Variants in KIF15 observed in about 807,000 individuals in gnomAD.
KIF15 encodes kinesin-like protein KIF15.
A neutral mutation model predicts 190.6 loss-of-function variants in KIF15; 140 were observed. The observed-to-expected ratio is 0.73, with a 90% CI of 0.64 to 0.84. The LOEUF is 0.84. Among genes scored for constraint, KIF15 ranks in the 40% least tolerant of loss-of-function variants. The probability of loss-of-function intolerance (pLI) is 0.00; values close to 1 mark genes in which losing one functional copy is unlikely to be tolerated. For synonymous variants in KIF15, 528 were observed against 551.3 expected, an observed-to-expected ratio of 0.96 and a Z score of 0.59; for missense variants, 1,372 against 1,584.4, an observed-to-expected ratio of 0.87 and a Z score of 2.28.
chr3:44,786,664 A>G, intron 7 of KIF15, 90 bp downstream of exon 7: 1 of 1,000,566 alleles, frequency 1.0e-6, no homozygotes, highest in Non-Finnish European at 1.4e-6. Flanking sequence ...TTGAGGTACC[A>G]AAAATATGTC....
chr3:44,798,330 T>C (rs1707093897), intron 10 of KIF15, among the ~76,000 whole-genome samples: 1 of 151,044 alleles, frequency 6.6e-6, no homozygotes, highest in African/African-American at 2.4e-5. Context: ...GCCAGGCTAA[T>C]TTTTTTATTT....
rs757150610 is a variant in KIF15, at chr3:44,843,084, T to G, written c.3586-41T>G. 4.1e-6 allele frequency: 6 copies of G among 1,480,402 alleles called. No individual in the cohort carries two copies. In the African/African-American group the frequency reaches 5.5e-5, roughly 14 times the overall value. 91.7% of individuals were successfully genotyped at this position (1,480,402 alleles called of 1,614,324 possible). On this transcript the variant is annotated intron_variant, in intron 29 of 34. Coordinates refer to ENST00000326047, the MANE Select transcript of KIF15 (RefSeq NM_020242.3). ...CCTTGGGGAGCTAAATGAAGCCTAC[T>G]GTAATGTGTTTTTTGAAAAGATACG...
chr3:44,828,953 C>T (rs1324815912), intron 24 of KIF15, among the ~76,000 whole-genome samples: 1 of 151,526 alleles, frequency 6.6e-6, no homozygotes, highest in African/African-American at 2.4e-5. Context: ...AGGAGAATTG[C>T]TTGAACCTGG....
rs145837852 is a variant in KIF15, at chr3:44,786,534, C to T, written c.599C>T (p.Ala200Val). ...AAGAAGGGAGTCTTTGTTGTTGGTG[C>T]GGTGGAGCAGGTGGTAACCTCAGCT... is the stretch of plus-strand genomic sequence containing the variant. ...HIKKGVFVVG[A>V]VEQVVTSAAE... The change falls in exon 7 of 35, where the codon GCG (alanine) becomes GTG (valine). Residue 200 changes from alanine to valine, a missense_variant. By Grantham distance (64) the Ala-to-Val change is moderately conservative. Coordinates refer to ENST00000326047, the MANE Select transcript of KIF15 (RefSeq NM_020242.3). 8.7e-5 allele frequency: 141 copies of T among 1,612,362 alleles called. No individual in the cohort carries two copies. The highest frequency in any genetic ancestry group is 1.1e-4 in the African/African-American group (8 of 74,944).
chr3:44,865,288 C>A, intron 6 of KIF15: 1 of 1,478,186 alleles, frequency 6.8e-7, no homozygotes. Flanking sequence ...GCCTTCTGAC[C>A]ATCAGCCAAG....
chr3:44,851,950 C>T lies in KIF15; in HGVS notation c.3970C>T (p.Gln1324Ter). 4 of 1,612,248 alleles carry T rather than the reference C, an allele frequency of 2.5e-6. No individual in the cohort carries two copies. Among genetic ancestry groups the T allele is most frequent in the Non-Finnish European group, 3.4e-6 (4 of 1,179,162 alleles). ...GTATGAAGAAAGAGAGAGAACATCC[C>T]AGGTGTGCTAGTGTGTTGGTGTTTT... ...EMYEERERTS[Q>*]EMEMLRKQVE... is the part of the protein sequence containing the mutation. The change falls in exon 33 of 35, where the codon CAG (glutamine) becomes TAG (stop). Residue 1324 changes from glutamine to a stop codon, truncating the protein, a stop_gained and splice_region_variant. Coordinates refer to ENST00000326047, the MANE Select transcript of KIF15 (RefSeq NM_020242.3). LOFTEE classifies it high-confidence loss of function.
chr3:44,778,267 C>T (rs1457689947), intron 4 of KIF15, 76 bp downstream of exon 4: 4 of 1,144,826 alleles, frequency 3.5e-6, no homozygotes, highest in African/African-American at 1.5e-5. Flanking sequence ...CAAATTACCA[C>T]AAACGTAGTG....
chr3:44,825,722 G>C (rs576472145), intron 20 of KIF15, among the ~76,000 whole-genome samples: 1 of 152,312 alleles, frequency 6.6e-6, no homozygotes, highest in Admixed American at 6.5e-5. Flanking sequence ...CCCTAAATGA[G>C]TCTAATCACT....
chr3:44,780,972 C>G (rs764749359), intron 5 of KIF15, 50 bp downstream of exon 5: 1 of 1,287,532 alleles, frequency 7.8e-7, no homozygotes, highest in Non-Finnish European at 1.1e-6. Flanking sequence ...TCTGTGATAA[C>G]AGTAACCTAC....
At chr3:44,857,355 G>A (rs1430644735), downstream of KIF15, among the ~76,000 whole-genome samples, 2 of 152,182 alleles carry the variant, frequency 1.3e-5, no homozygotes, top group Non-Finnish European at 1.5e-5. Context: ...GTGATTTTTA[G>A]GGCCTCTAAA....
rs1277822222 is a variant in KIF15 at position 44,800,457 on chromosome 3, C to T, written c.1222+20C>T. ...CCAGAGGTAGGATGAGCACACAGTC[C>T]TTTATCTTGGGGAAGACTGTACAAA... is the stretch of plus-strand genomic sequence containing the variant. On this transcript the variant is annotated intron_variant, in intron 11 of 34. Coordinates refer to ENST00000326047, the MANE Select transcript of KIF15 (RefSeq NM_020242.3). 6.2e-7 allele frequency: 1 copy of T among 1,610,160 alleles called. No individual in the cohort carries two copies.
At chr3:44,814,412 C>T (rs1401461639) in intron 19 of KIF15, among the ~76,000 whole-genome samples, 1 of 152,094 alleles carries the variant, frequency 6.6e-6, no homozygotes, top group Non-Finnish European at 1.5e-5. Flanking sequence ...CAGGCTCAAG[C>T]GATCCTCCCA....
chr3:44,813,029 G>A, intron 18 of KIF15, 46 bp from the exon 19 acceptor site: 1 of 1,140,994 alleles, frequency 8.8e-7, no homozygotes, highest in South Asian at 1.4e-5. Context: ...GTGCATCTTA[G>A]CATGCCAGTA....
At chr3:44,840,929 C>A in intron 28 of KIF15, 145 bp from the exon 29 acceptor site, 1 of 754,194 alleles carries the variant, frequency 1.3e-6, no homozygotes, top group Non-Finnish European at 2.2e-6. Context: ...CCACCTCGGC[C>A]TCCCAAAGTG....
At chr3:44,834,803 C>T (rs1216470989) in intron 26 of KIF15, among the ~76,000 whole-genome samples, 2 of 151,224 alleles carry the variant, frequency 1.3e-5, no homozygotes, top group East Asian at 1.9e-4. Flanking sequence ...CGTGGTGGCA[C>T]GTGCCTATAG....
At chr3:44,794,683 C>T (rs7638000) in intron 8 of KIF15, among the ~76,000 whole-genome samples, 88 of 152,180 alleles carry the variant, frequency 5.8e-4, no homozygotes, top group African/African-American at 2.0e-3. Flanking sequence ...CCCTGTTAGC[C>T]GGGCGCGGTG....
chr3:44,829,456 TATA>T (rs1290691943), intron 24 of KIF15, among the ~76,000 whole-genome samples: 4 of 136,950 alleles, frequency 2.9e-5, no homozygotes, highest in Admixed American at 8.1e-5. Flanking sequence ...TATACGCATA[TATA>T]ATATATATGT....
At chr3:44,783,559 T>C (rs1014789538) in intron 5 of KIF15, among the ~76,000 whole-genome samples, 1 of 143,620 alleles carries the variant, frequency 7.0e-6, no homozygotes, top group African/African-American at 2.6e-5. Context: ...AATTTCAACA[T>C]GAGAATTGGG....
chr3:44,802,890 T>G lies in KIF15; in HGVS notation c.1586T>G (p.Leu529Ter). 6.2e-7 allele frequency: 1 copy of G among 1,612,268 alleles called. No homozygotes were observed. The highest frequency in any genetic ancestry group is 8.5e-7 in the Non-Finnish European group (1 of 1,179,576). Reference protein sequence around the residue: ...SLREENRRLRLLEPVKRAQEM... With the variant: ...SLREENRRLR The stretch of plus-strand genomic sequence containing the variant: ...AGGGAGGAGAATAGAAGACTGAGAT[T>G]ATTAGAGCCTGTGAAAAGAGCTCAA... The change falls in exon 14 of 35, where the codon TTA becomes TGA. Residue 529 changes from leucine to a stop codon, truncating the protein, a stop_gained. Coordinates refer to ENST00000326047, the MANE Select transcript of KIF15 (RefSeq NM_020242.3). LOFTEE classifies it high-confidence loss of function.
Sources: allele counts gnomAD v4.1 joint callset (sites outside exome capture counted in the v4.1 genomes callset), GRCh38; gene constraint gnomAD v4.1.1; transcripts MANE v1.5; gene names NCBI Gene and HGNC (gene_info 2026-07-23, HGNC 2026-07-21).